MINK1: variants seen among roughly 807,000 people sequenced by gnomAD.
MINK1 encodes misshapen like kinase 1, also known as misshapen-like kinase 1.
MINK1 carries 46 observed loss-of-function variants against 178.4 expected under a neutral mutation model. The ratio of observed to expected loss-of-function variants is 0.26; its 90% CI spans 0.20 to 0.33. The LOEUF (loss-of-function observed/expected upper bound fraction) is 0.33, where lower values mean the gene tolerates loss of function less well. MINK1 is among the 10% of genes least tolerant of loss of function. The pLI is 1.00. For synonymous variants in MINK1, 797 were observed against 709.7 expected (o/e 1.12, Z -1.96); for missense variants, 1,366 against 1,814.9 (o/e 0.75, Z 4.49).
chr17:4,893,542 G>C lies in MINK1; in HGVS notation c.2509G>C (p.Glu837Gln), dbSNP rs374727204. The C allele has an allele frequency of 6.3e-7, 1 of 1,593,866 alleles. No homozygotes were observed. Among genetic ancestry groups the C allele is most frequent in the African/African-American group, 1.3e-5 (1 of 74,602 alleles). Residue 837 changes from glutamate to glutamine, a missense_variant, in exon 21 of 32, where the codon GAG (glutamate) becomes CAG (glutamine). Around this residue, in one of 14 missense-constraint regions of MINK1, gnomAD observed 709 missense variants for 692.3 expected, o/e 1.02. Transcript: ENST00000355280. The part of the protein sequence containing the change: ...SEEVESSEDD[E>Q]EEGEGGPAEG... ...GGAGGTGGAAAGCAGTGAGGACGACGAGGAGGAAGGCGAAGGCGGGCCAGC... is the reference window on the plus strand; with the variant it reads ...GGAGGTGGAAAGCAGTGAGGACGACCAGGAGGAAGGCGAAGGCGGGCCAGC...
In MINK1 at chr17:4,885,493, G is replaced by A. The variant is rs1968123177; in HGVS notation, c.519G>A (p.Gly173=). 6.2e-7 allele frequency: 1 copy of A among 1,613,870 alleles called. No homozygotes were observed. Among genetic ancestry groups the A allele is most frequent in the Non-Finnish European group, 8.5e-7 (1 of 1,179,832 alleles). The change falls in exon 7 of 32, where the codon GGG becomes GGA. Residue 173 remains glycine (G), a synonymous_variant. Coordinates refer to ENST00000355280, the MANE Select transcript of MINK1 (RefSeq NM_153827.5). This position sits in a 1 kb window ranked among gnomAD's most constrained non-coding sequence, Gnocchi z 5.0. ...ENAEVKLVDF[G]VSAQLDRTVG... ...TCTGTGTCTTCACAGTGGATTTTGG[G>A]GTGAGTGCTCAGCTGGACCGCACCG...
chr17:4,837,017 T>TAA (rs199812002), intron 1 of MINK1, among the ~76,000 whole-genome samples: 7 of 147,914 alleles, frequency 4.7e-5, no homozygotes, highest in Non-Finnish European at 1.1e-4. Context: ...CCATCTCTAC[T>TAA]AAAAAAAAAA....
In MINK1 at chr17:4,897,231, G is replaced by A. The variant is rs1475737070; in HGVS notation, c.3943G>A (p.Gly1315Ser). Residue 1315 changes from glycine to serine, a missense_variant, in exon 32 of 32, where the codon GGC becomes AGC. Around this residue, in one of 14 missense-constraint regions of MINK1, gnomAD observed 201 missense variants for 240.7 expected, o/e 0.84. Transcript: ENST00000355280. ...KVFFASVRSG[G>S]SSQVYFMTLN... The stretch of plus-strand genomic sequence containing the variant: ...GTTTTTTGCCTCAGTCCGCTCTGGG[G>A]GCAGCAGCCAAGTTTACTTCATGAC... The A allele has an allele frequency of 1.2e-6, 2 of 1,613,744 alleles. No homozygotes were observed. The highest frequency in any genetic ancestry group is 1.1e-5 in the South Asian group (1 of 91,062).
chr17:4,895,512 G>C lies in MINK1; in HGVS notation c.3229+19G>C. The C allele has an allele frequency of 6.4e-7, 1 of 1,560,052 alleles. No homozygotes were observed. The highest frequency in any genetic ancestry group is 1.2e-5 in the South Asian group (1 of 82,636). The stretch of plus-strand genomic sequence containing the variant: ...ATCTCAGGTACAGGTGTGGTGAGTG[G>C]GGGAGGGAGGAGGGGCTCAGCTCCT... On this transcript the variant is annotated intron_variant, in intron 26 of 31. Transcript: ENST00000355280. The surrounding 1 kb of genome is among the most constrained non-coding windows in gnomAD (Gnocchi z 4.3).
intron 1 of MINK1, chr17:4,875,450 G>A (rs1362919879): frequency 4.4e-6 from 2 of 453,418 alleles, no homozygotes; most frequent in East Asian, 1.4e-4. Flanking sequence ...ACTCCCACCT[G>A]GGCAACAGAG....
Position 4,892,910 on chromosome 17 carries a change from G to T in MINK1, c.2312-69G>T, listed in dbSNP as rs374525067. 7.1e-5 allele frequency: 102 copies of T among 1,443,176 alleles called. 1 individual carries two copies. In the East Asian group the frequency reaches 7.7e-4, roughly 11 times the overall value. The allele number at this position is 1,443,176 out of a possible 1,614,324, so 89.4% of individuals were successfully genotyped here. A position where few individuals can be genotyped will look rare whatever the true frequency, so the allele number is the denominator to read the frequency against. ...ATGGAACTTGGGGCTGAGTTCTGGG[G>T]CTCAGGGTGTGGGCTTGAGGCCATC... is the stretch of plus-strand genomic sequence containing the variant. On this transcript the variant is annotated intron_variant, in intron 19 of 31. Coordinates refer to ENST00000355280, the MANE Select transcript of MINK1 (RefSeq NM_153827.5).
chr17:4,875,627 C>T, intron 1 of MINK1: 1 of 363,472 alleles, frequency 2.8e-6, no homozygotes, highest in South Asian at 2.0e-5. Flanking sequence ...ACAAAATTAG[C>T]TGGGCGTGGT....
intron 15 of MINK1, 98 bp downstream of exon 15, chr17:4,891,222 AC>A: frequency 9.8e-7 from 1 of 1,018,942 alleles, no homozygotes; most frequent in South Asian, 1.7e-5. Flanking sequence ...ACACACACAC[AC>A]ACCTGCTCAG....
chr17:4,877,551 C>T (rs1967294046), intron 1 of MINK1, among the ~76,000 whole-genome samples: 1 of 152,180 alleles, frequency 6.6e-6, no homozygotes, highest in Non-Finnish European at 1.5e-5. Context: ...TGCTAGCTTT[C>T]CTCATCCCTG....
intron 2 of MINK1, 103 bp downstream of exon 2, chr17:4,878,485 G>A (rs1039888160): frequency 9.4e-7 from 1 of 1,063,070 alleles, no homozygotes; most frequent in Admixed American, 2.1e-5. Context: ...AGGGGGCTAT[G>A]GGAGATGCTA....
intron 1 of MINK1, among the ~76,000 whole-genome samples, chr17:4,838,975 G>C (rs568664358): frequency 6.8e-6 from 1 of 148,130 alleles, no homozygotes; most frequent in African/African-American, 2.5e-5. Flanking sequence ...ACGCAGTCTC[G>C]CACTGTCGCC....
Position 4,895,664 on chromosome 17 carries a change from TG to T in MINK1, c.3230-29del. The T allele has an allele frequency of 6.2e-7, 1 of 1,607,628 alleles. No individual in the cohort carries two copies. The highest frequency in any genetic ancestry group is 8.5e-7 in the Non-Finnish European group (1 of 1,176,152). On this transcript the variant is annotated intron_variant, in intron 26 of 31. Transcript: ENST00000355280. This position sits in a 1 kb window ranked among gnomAD's most constrained non-coding sequence, Gnocchi z 4.3. ...GTGGCATTCGGGCCTCAGATGAGAATGGGGGCGGGTGTGTATGTCTGTCCGT... is the reference window on the plus strand; with the variant it reads ...GTGGCATTCGGGCCTCAGATGAGAATGGGGCGGGTGTGTATGTCTGTCCGT...
intron 1 of MINK1, among the ~76,000 whole-genome samples, chr17:4,842,113 A>G (rs1307389109): frequency 1.3e-5 from 2 of 151,692 alleles, no homozygotes; most frequent in Admixed American, 6.6e-5. Flanking sequence ...AGTCCCAGCT[A>G]CTTGGGAGGC....
At position 4,894,034 on chromosome 17, in the gene MINK1, G is replaced by A. The variant is rs565117311; in HGVS notation, c.2611G>A (p.Val871Ile). 2.5e-5 allele frequency: 40 copies of A among 1,590,338 alleles called. No individual in the cohort carries two copies. The highest frequency in any genetic ancestry group is 1.7e-4 in the Middle Eastern group (1 of 5,964). ...DSVSTMVVHDVEEITGTQPPY... is the reference protein window; with the variant it reads ...DSVSTMVVHDIEEITGTQPPY... The stretch of plus-strand genomic sequence containing the variant: ...CGTCAGCACCATGGTGGTCCACGAC[G>A]TCGAGGAGATCACCGGGACCCAGCC... Residue 871 changes from valine (V) to isoleucine (I), a missense_variant, in exon 22 of 32, where the codon GTC becomes ATC. This residue lies in a region of MINK1 where 709 missense variants were observed against 692.3 expected (regional missense o/e 1.02). Coordinates refer to ENST00000355280, the MANE Select transcript of MINK1 (RefSeq NM_153827.5). This position sits in a 1 kb window ranked among gnomAD's most constrained non-coding sequence, Gnocchi z 4.1.
chr17:4,893,854 G>A (rs1015803977), intron 21 of MINK1, 134 bp from the exon 22 acceptor site: 1 of 872,258 alleles, frequency 1.1e-6, no homozygotes, highest in African/African-American at 1.7e-5. Flanking sequence ...TGGAGCAGGG[G>A]CTACACCGTG....
intron 1 of MINK1, chr17:4,854,635 C>T: frequency 2.3e-6 from 1 of 427,286 alleles, no homozygotes. Flanking sequence ...TATAAACTGC[C>T]TTTCCTCCCA....
intron 1 of MINK1, among the ~76,000 whole-genome samples, chr17:4,837,799 G>A (rs1042920758): frequency 5.5e-4 from 83 of 152,170 alleles, no homozygotes; most frequent in African/African-American, 1.0e-3. Flanking sequence ...TATGCTTAGC[G>A]TCGCTGGATT....
chr17:4,896,179 C>G lies in MINK1; in HGVS notation c.3466-14C>G. On this transcript the variant is annotated splice_polypyrimidine_tract_variant and intron_variant, in intron 28 of 31. Coordinates refer to ENST00000355280, the MANE Select transcript of MINK1 (RefSeq NM_153827.5). The surrounding 1 kb of genome is among the most constrained non-coding windows in gnomAD (Gnocchi z 4.6). Reference sequence around the variant, plus strand: ...CCGTGCCCCTGAGCCCTCCTCTCCTCCGGTTCTCTGCAGTCCTTTGCCGAC... The same window carrying G: ...CCGTGCCCCTGAGCCCTCCTCTCCTGCGGTTCTCTGCAGTCCTTTGCCGAC... 6.2e-7 allele frequency: 1 copy of G among 1,600,156 alleles called. No homozygotes were observed. The highest frequency in any genetic ancestry group is 1.1e-5 in the South Asian group (1 of 89,100).
Position 4,897,549 on chromosome 17 carries a change from G to A in MINK1, c.*262G>A. ...ACAGCTTCCCCTTCCCAGGAATTGA[G>A]TGGGCCTAGCCCCTCCCCCCTTTTC... On this transcript the variant is annotated 3_prime_UTR_variant, in exon 32 of 32. Transcript: ENST00000355280. 1 of 479,628 alleles carries A rather than the reference G, an allele frequency of 2.1e-6. No individual in the cohort carries two copies. Among genetic ancestry groups the A allele is most frequent in the South Asian group, 2.4e-5 (1 of 40,884 alleles). 29.7% of individuals were successfully genotyped at this position (479,628 alleles called of 1,614,324 possible).
Sources: gnomAD v4.1 joint callset for allele counts (sites outside exome capture counted in the v4.1 genomes callset) on GRCh38, gnomAD v4.1.1 for gene constraint, gnomAD v4.1.1 regional missense constraint, Gnocchi (gnomAD v3.1) non-coding constraint, MANE v1.5 for transcripts, NCBI Gene and HGNC (gene_info 2026-07-23, HGNC 2026-07-21) for gene names.